Variants in ITGB5 observed in about 807,000 individuals in gnomAD.
ITGB5 encodes the protein integrin subunit beta 5, also known as integrin beta-5.
A neutral mutation model predicts 84.8 loss-of-function variants in ITGB5; 38 were observed. The ratio of observed to expected loss-of-function variants is 0.45; its 90% CI spans 0.35 to 0.59. The LOEUF (loss-of-function observed/expected upper bound fraction) is 0.59, where lower values mean the gene tolerates loss of function less well. ITGB5 is among the 20% of genes least tolerant of loss of function. The pLI, the probability that ITGB5 is intolerant of heterozygous loss-of-function variation, is 0.01. For missense variants in ITGB5, 905 were observed against 1,034.5 expected (o/e 0.87, Z 1.72); for synonymous variants, 393 against 414.4 (o/e 0.95, Z 0.63).
At chr3:124,847,127 G>A (rs1022617328) in intron 4 of ITGB5, among the ~76,000 whole-genome samples, 9 of 152,138 alleles carry the variant, frequency 5.9e-5, no homozygotes, top group African/African-American at 2.2e-4. Context: ...ATAATCCACA[G>A]AAAATATTTA....
At chr3:124,793,689 C>A (rs1438525135) in intron 10 of ITGB5, among the ~76,000 whole-genome samples, 4 of 152,256 alleles carry the variant, frequency 2.6e-5, no homozygotes, top group African/African-American at 9.6e-5. Flanking sequence ...TAGGCCCAGG[C>A]CTCCTGCTAT....
chr3:124,778,734 A>G (rs2063959870), intron 10 of ITGB5, among the ~76,000 whole-genome samples: 1 of 152,206 alleles, frequency 6.6e-6, no homozygotes, highest in African/African-American at 2.4e-5. Context: ...ACCATTCAGA[A>G]GAAAGTCGTG....
At chr3:124,806,202 A>G (rs16836031) in intron 9 of ITGB5, among the ~76,000 whole-genome samples, 17,258 of 152,170 alleles carry the variant, frequency 0.11, 2,141 homozygotes, top group African/African-American at 0.3. Flanking sequence ...AGAAATTGTC[A>G]AGAGCCTTCC....
chr3:124,763,902 C>T (rs1271109134), intron 14 of ITGB5, among the ~76,000 whole-genome samples, 184 bp from the exon 15 acceptor site: 1 of 152,204 alleles, frequency 6.6e-6, no homozygotes, highest in Non-Finnish European at 1.5e-5. Flanking sequence ...CCATCGCCTT[C>T]TCTAAGCTTT....
chr3:124,794,974 T>C (rs2064200927), intron 10 of ITGB5, among the ~76,000 whole-genome samples: 1 of 152,158 alleles, frequency 6.6e-6, no homozygotes, highest in Non-Finnish European at 1.5e-5. Context: ...GCCCTCATCA[T>C]CCAGCATGAC....
rs189659799 is a variant in ITGB5 at position 124,766,124 on chromosome 3, C to T, written c.2137+102G>A. 1.9e-5 allele frequency: 23 copies of T among 1,239,128 alleles called. No individual in the cohort carries two copies. The East Asian group carries it at 4.5e-4, about 24-fold the overall frequency. The allele number at this position is 1,239,128 out of a possible 1,614,324, so 76.8% of individuals were successfully genotyped here. On this transcript the variant is annotated intron_variant, in intron 13 of 14. Coordinates refer to ENST00000296181, the MANE Select transcript of ITGB5 (RefSeq NM_002213.5). ...TCCTCTCCCTGCAGTTTCAAAAGGCCGATGAGGACAGAAAGGGCAGTGGTC... is the reference window on the plus strand; with the variant it reads ...TCCTCTCCCTGCAGTTTCAAAAGGCTGATGAGGACAGAAAGGGCAGTGGTC...
At chr3:124,807,268 T>C (rs1462648720) in intron 9 of ITGB5, among the ~76,000 whole-genome samples, 1 of 151,996 alleles carries the variant, frequency 6.6e-6, no homozygotes, top group Non-Finnish European at 1.5e-5. Context: ...ATACATAAAT[T>C]AGCCAGGTGT....
chr3:124,880,611 C>CT (rs1559985412), intron 1 of ITGB5, among the ~76,000 whole-genome samples: 1 of 151,972 alleles, frequency 6.6e-6, no homozygotes, highest in Non-Finnish European at 1.5e-5. Context: ...GAGATTCTGT[C>CT]TTTTTTTAAA....
chr3:124,859,221 C>T, intron 3 of ITGB5, 21 bp downstream of exon 3: 9 of 1,609,888 alleles, frequency 5.6e-6, no homozygotes, highest in Non-Finnish European at 7.6e-6. Flanking sequence ...GAGCATCCAG[C>T]CCTTTCTGTG....
At position 124,798,896 on chromosome 3, in the gene ITGB5, T is replaced by C. The variant is rs72972527; in HGVS notation, c.1264-2079A>G. Among the ~76,000 whole-genome samples, 446 of 152,288 alleles carry C rather than the reference T, an allele frequency of 2.9e-3. 2 individuals are homozygous for C. Among genetic ancestry groups the C allele is most frequent in the African/African-American group, 0.01 (431 of 41,562 alleles). On this transcript the variant is annotated intron_variant, in intron 9 of 14. Coordinates refer to ENST00000296181, the MANE Select transcript of ITGB5 (RefSeq NM_002213.5). ...GACTGAGCAGGAGGATAGATCCTGC[T>C]CTATAAGTCCTGCAGAAAGTCCTGC...
At position 124,804,211 on chromosome 3, in the gene ITGB5, C is replaced by T. The variant is rs72972540; in HGVS notation, c.1263+4811G>A. ...TCTAAACAATTCATCATGATAGTTGCTTGTCACTTTTCTTTTTCAAAAAAG... is the reference window on the plus strand; with the variant it reads ...TCTAAACAATTCATCATGATAGTTGTTTGTCACTTTTCTTTTTCAAAAAAG... On this transcript the variant is annotated intron_variant, in intron 9 of 14. Transcript: ENST00000296181. Among the ~76,000 whole-genome samples, 445 of 152,282 alleles carry T rather than the reference C, an allele frequency of 2.9e-3. 2 individuals carry two copies. The highest frequency in any genetic ancestry group is 0.01 in the African/African-American group (431 of 41,558).
At chr3:124,786,208 A>C (rs1378739342) in intron 10 of ITGB5, among the ~76,000 whole-genome samples, 1 of 152,150 alleles carries the variant, frequency 6.6e-6, no homozygotes, top group East Asian at 1.9e-4. Flanking sequence ...GTTTGTTTCC[A>C]AGGAAATGAT....
rs545328175 is a variant in ITGB5 at position 124,868,817 on chromosome 3, A to G, written c.156+4629T>C. ...CCCTGTCTCCGAAAATAAATTAACT[A>G]AATGATTAAAAATGAAAAAAAAAGT... On this transcript the variant is annotated intron_variant, in intron 2 of 14. Transcript: ENST00000296181. Among the ~76,000 whole-genome samples, 2 of 151,766 alleles carry G rather than the reference A, an allele frequency of 1.3e-5. 1 individual carries two copies. Among genetic ancestry groups the G allele is most frequent in the South Asian group, 4.2e-4 (2 of 4,812 alleles).
At position 124,824,927 on chromosome 3, in the gene ITGB5, G is replaced by A. The variant is rs377047971; in HGVS notation, c.781-3453C>T. Reference sequence around the variant, plus strand: ...AAAAATGTGGAACGAGGCCTGGCGCGGTGGCTCATGCCTGTAATCCCAGCA... The same window carrying A: ...AAAAATGTGGAACGAGGCCTGGCGCAGTGGCTCATGCCTGTAATCCCAGCA... On this transcript the variant is annotated intron_variant, in intron 5 of 14. Coordinates refer to ENST00000296181, the MANE Select transcript of ITGB5 (RefSeq NM_002213.5). 9.8e-5 allele frequency among the ~76,000 whole-genome samples: 15 copies of A among 152,296 alleles called. No individual in the cohort carries two copies. In the Middle Eastern group the frequency reaches 0.017, roughly 173 times the overall value.
At chr3:124,805,724 T>C (rs1485812453) in intron 9 of ITGB5, among the ~76,000 whole-genome samples, 1 of 152,120 alleles carries the variant, frequency 6.6e-6, no homozygotes, top group African/African-American at 2.4e-5. Context: ...AGTATTGAGA[T>C]TACAGGCATG....
Position 124,764,478 on chromosome 3 carries a change from C to T in ITGB5, c.2217G>A (p.Leu739=). 6.2e-7 allele frequency: 1 copy of T among 1,614,068 alleles called. No homozygotes were observed. The highest frequency in any genetic ancestry group is 8.5e-7 in the Non-Finnish European group (1 of 1,180,014). Residue 739 remains leucine, a synonymous_variant, in exon 14 of 15, where the codon CTG becomes CTA. Transcript: ENST00000296181. ...TGGTGACAAGCAGCTTCCAGATAGC[C>T]AGGAGTGCAAGCCCAACAAGGAGGA... The part of the protein sequence containing the change: ...GSILLVGLAL[L]AIWKLLVTIH...
At chr3:124,804,272 C>T (rs1160168674) in intron 9 of ITGB5, among the ~76,000 whole-genome samples, 1 of 152,050 alleles carries the variant, frequency 6.6e-6, no homozygotes, top group Non-Finnish European at 1.5e-5. Context: ...GCCTGTAGTC[C>T]CAGTAGTTTG....
At chr3:124,851,503 G>C (rs1579294831) in intron 3 of ITGB5, among the ~76,000 whole-genome samples, 1 of 152,058 alleles carries the variant, frequency 6.6e-6, no homozygotes, top group East Asian at 1.9e-4. Flanking sequence ...AGGGCTGAGG[G>C]AAAGAAGGCA....
chr3:124,796,558 A>G lies in ITGB5; in HGVS notation c.1523T>C (p.Val508Ala), dbSNP rs1164632946. Residue 508 changes from valine (V) to alanine (A), a missense_variant, in exon 10 of 15, where the codon GTG becomes GCG. Around this residue, in one of 3 missense-constraint regions of ITGB5, gnomAD observed 656 missense variants for 734.7 expected, o/e 0.89. Coordinates refer to ENST00000296181, the MANE Select transcript of ITGB5 (RefSeq NM_002213.5). ...TGCCTCCCGGCACAGGTTCTGGTACACGCTCTGGTTCTCCCCATCCTGGCA... is the reference window on the plus strand; with the variant it reads ...TGCCTCCCGGCACAGGTTCTGGTACGCGCTCTGGTTCTCCCCATCCTGGCA... ...CECQDGENQS[V>A]YQNLCREAEG... The G allele has an allele frequency of 1.9e-6, 3 of 1,613,960 alleles. No individual in the cohort carries two copies. Among genetic ancestry groups the G allele is most frequent in the Non-Finnish European group, 2.5e-6 (3 of 1,180,030 alleles).
Sources: allele counts gnomAD v4.1 joint callset (sites outside exome capture counted in the v4.1 genomes callset), GRCh38; gene constraint gnomAD v4.1.1; regional missense constraint gnomAD v4.1.1; transcripts MANE v1.5; gene names NCBI Gene and HGNC (gene_info 2026-07-23, HGNC 2026-07-21).